Variants in TFR2 observed in about 807,000 individuals in gnomAD.
TFR2 encodes transferrin receptor 2, also known as transferrin receptor protein 2.
A neutral mutation model predicts 91.9 loss-of-function variants in TFR2; 64 were observed. The observed-to-expected ratio is 0.70, with a 90% CI of 0.57 to 0.86. The LOEUF is 0.86. Among genes scored for constraint, TFR2 ranks in the 40% least tolerant of loss-of-function variants. The pLI, the probability that TFR2 is intolerant of heterozygous loss-of-function variation, is 0.00. For missense variants in TFR2, 950 were observed against 1,080.5 expected, an observed-to-expected ratio of 0.88 and a Z score of 1.69; for synonymous variants, 454 against 459.6, an observed-to-expected ratio of 0.99 and a Z score of 0.15.
intron 3 of TFR2, among the ~76,000 whole-genome samples, chr7:100,639,306 G>T (rs1450360980): frequency 6.6e-6 from 1 of 152,228 alleles, no homozygotes; most frequent in Non-Finnish European, 1.5e-5. Flanking sequence ...GGCGGAGGCT[G>T]CAGTGAGCCA....
chr7:100,623,300 G>A (rs1241128033), intron 17 of TFR2, among the ~76,000 whole-genome samples: 1 of 152,196 alleles, frequency 6.6e-6, no homozygotes, highest in Non-Finnish European at 1.5e-5. Flanking sequence ...AATGGCAACT[G>A]CTATTTTATT....
intron 17 of TFR2, among the ~76,000 whole-genome samples, chr7:100,623,155 C>T (rs536583889): frequency 6.6e-6 from 1 of 152,078 alleles, no homozygotes; most frequent in Non-Finnish European, 1.5e-5. Flanking sequence ...TGCCTGTTGT[C>T]CCAGCTACTC....
intron 9 of TFR2, 77 bp from the exon 10 acceptor site, chr7:100,629,449 T>G: frequency 6.2e-7 from 1 of 1,601,900 alleles, no homozygotes; most frequent in Admixed American, 1.7e-5. Flanking sequence ...TGCCTGTGTC[T>G]CTCAGCCCAT....
Sources: gnomAD v4.1 joint callset for allele counts (sites outside exome capture counted in the v4.1 genomes callset) on GRCh38, gnomAD v4.1.1 for gene constraint, MANE v1.5 for transcripts, NCBI Gene and HGNC (gene_info 2026-07-23, HGNC 2026-07-21) for gene names.